TMEM63B: variants seen among roughly 807,000 people sequenced by gnomAD.
TMEM63B encodes the protein mechanosensitive cation channel TMEM63B.
In TMEM63B, 23 loss-of-function variants were observed where a neutral mutation model predicts 102.6. That is an observed-to-expected ratio of 0.22 (90% CI 0.16 to 0.32). The LOEUF is 0.32. Among genes scored for constraint, TMEM63B ranks in the 10% least tolerant of loss-of-function variants. The pLI is 1.00. For synonymous variants in TMEM63B, 444 were observed against 437.0 expected (o/e 1.02, Z -0.20); for missense variants, 628 against 1,095.9 (o/e 0.57, Z 6.03).
In TMEM63B at chr6:44,141,056, T is replaced by G; in HGVS notation, c.740T>G (p.Ile247Ser). 1 of 1,613,922 alleles carries G rather than the reference T, an allele frequency of 6.2e-7. No individual in the cohort carries two copies. The highest frequency in any genetic ancestry group is 8.5e-7 in the Non-Finnish European group (1 of 1,179,986). ...AAGCGGACCCTCTTCATCAATGGAA[T>G]CTCCAAATATGCAGAGTCAGAAAAG... ...LVKRTLFING[I>S]SKYAESEKIK... Residue 247 changes from isoleucine to serine, a missense_variant, in exon 10 of 24, where the codon ATC becomes AGC. Ile to Ser is a moderately radical substitution (Grantham distance 142). Around this residue, in one of 6 missense-constraint regions of TMEM63B, gnomAD observed 336 missense variants for 580.3 expected, o/e 0.58. Transcript: ENST00000323267.
At chr6:44,130,290 G>C (rs1309221817) in intron 1 of TMEM63B, among the ~76,000 whole-genome samples, 3 of 152,166 alleles carry the variant, frequency 2.0e-5, no homozygotes, top group African/African-American at 4.8e-5. Flanking sequence ...TACTCTCTCT[G>C]TATCTCAGTG....
At chr6:44,130,244 A>G (rs887296070) in intron 1 of TMEM63B, among the ~76,000 whole-genome samples, 1 of 152,160 alleles carries the variant, frequency 6.6e-6, no homozygotes, top group Non-Finnish European at 1.5e-5. Flanking sequence ...ATCTGGGTCT[A>G]CCACAGACTG....
intron 5 of TMEM63B, among the ~76,000 whole-genome samples, chr6:44,137,096 C>CG: frequency 6.6e-6 from 1 of 152,320 alleles, no homozygotes; most frequent in Non-Finnish European, 1.5e-5. Flanking sequence ...CCTAGAAAAA[C>CG]AGAATCTGTC....
intron 3 of TMEM63B, 106 bp downstream of exon 3, chr6:44,135,202 G>A: frequency 6.4e-7 from 1 of 1,561,510 alleles, no homozygotes; most frequent in South Asian, 1.1e-5. Context: ...TTGCTGGGGG[G>A]ATGAGAAGGG....
rs1031635723 is a variant in TMEM63B at position 44,127,655 on chromosome 6, C to G, written c.-48C>G. ...CCCCGCCCCAACCCGGGGCTCCGAG[C>G]CGGAGCCGAGTCTGCGCCTGGGGGT... On this transcript the variant is annotated 5_prime_UTR_variant, in exon 1 of 24. Coordinates refer to ENST00000323267, the MANE Select transcript of TMEM63B (RefSeq NM_018426.3). 6.7e-6 allele frequency: 1 copy of G among 149,716 alleles called. No homozygotes were observed. Among genetic ancestry groups the G allele is most frequent in the Non-Finnish European group, 1.5e-5 (1 of 67,058 alleles). 9.3% of individuals were successfully genotyped at this position (149,716 alleles called of 1,614,324 possible).
In TMEM63B at chr6:44,148,818, T is replaced by A; in HGVS notation, c.1286T>A (p.Ile429Asn). 6.2e-7 allele frequency: 1 copy of A among 1,614,192 alleles called. No homozygotes were observed. Among genetic ancestry groups the A allele is most frequent in the South Asian group, 1.1e-5 (1 of 91,088 alleles). The change falls in exon 15 of 24, where the codon ATC (isoleucine) becomes AAC (asparagine). Residue 429 changes from isoleucine to asparagine, a missense_variant. By Grantham distance (149) the Ile-to-Asn change is moderately radical (BLOSUM62 -3). Coordinates refer to ENST00000323267, the MANE Select transcript of TMEM63B (RefSeq NM_018426.3). This position sits in a 1 kb window ranked among gnomAD's most constrained non-coding sequence, Gnocchi z 5.1. ...GAGCACCTCTCCATCCGAGGCTTCA[T>A]CTGGTGGCTGCGCTGCCTGGTCATC... ...YWEHLSIRGF[I>N]WWLRCLVINV...
At position 44,155,035 on chromosome 6, in the gene TMEM63B, T is replaced by TC. The variant is rs3832439; in HGVS notation, c.*157dup. ...TTTAAACTTGGGGGTTTCACTGCTCTCCCCCATGATGGAGGGAGGGAGCCC... is the reference window on the plus strand; with the variant it reads ...TTTAAACTTGGGGGTTTCACTGCTCTCCCCCCATGATGGAGGGAGGGAGCCC... On this transcript the variant is annotated 3_prime_UTR_variant, in exon 24 of 24. Coordinates refer to ENST00000323267, the MANE Select transcript of TMEM63B (RefSeq NM_018426.3). The TC allele has an allele frequency of 0.28, 195,630 of 690,210 alleles. 31,276 individuals carry two copies. Among genetic ancestry groups the TC allele is most frequent in the East Asian group, 0.57 (16,850 of 29,350 alleles). The allele number at this position is 690,210 out of a possible 1,614,324, so 42.8% of individuals were successfully genotyped here.
rs761411626 is a variant in TMEM63B at position 44,151,880 on chromosome 6, G to A, written c.1708G>A (p.Val570Met). The change falls in exon 19 of 24, where the codon GTG becomes ATG. Residue 570 changes from valine to methionine, a missense_variant. Physicochemically the swap from Val to Met is conservative, Grantham distance 21. This residue lies in a region of TMEM63B where 61 missense variants were observed against 176.0 expected (regional missense o/e 0.35). Coordinates refer to ENST00000323267, the MANE Select transcript of TMEM63B (RefSeq NM_018426.3). ...VFLPDNGAFF[V>M]NYVIASAFIG... ...CCTGCCCGACAACGGCGCCTTCTTC[G>A]TGAACTACGTCATTGCCTCAGCCTT... 4 of 1,613,064 alleles carry A rather than the reference G, an allele frequency of 2.5e-6. No homozygotes were observed. Among genetic ancestry groups the A allele is most frequent in the East Asian group, 2.2e-5 (1 of 44,848 alleles).
chr6:44,142,257 C>T (rs1764417113), intron 10 of TMEM63B, among the ~76,000 whole-genome samples: 1 of 136,400 alleles, frequency 7.3e-6, no homozygotes, highest in Non-Finnish European at 1.6e-5. Flanking sequence ...TATAATGAGA[C>T]CCCATGTCTT....
chr6:44,127,168 A>ACCCCCCCTCCCCGTCGGGACC (rs72348651), upstream of TMEM63B: 4 of 79,416 alleles, frequency 5.0e-5, no homozygotes, highest in Non-Finnish European at 8.9e-5. Flanking sequence ...CCCCGTCGGG[A>ACCCCCCCTCCCCGTCGGGACC]CCCCCCTCCC....
chr6:44,140,864 A>G (rs1764104376), intron 9 of TMEM63B, among the ~76,000 whole-genome samples, 164 bp from the exon 10 acceptor site: 1 of 152,014 alleles, frequency 6.6e-6, no homozygotes, highest in Non-Finnish European at 1.5e-5. Context: ...GACCTGGCTT[A>G]TCCATAACTA....
intron 1 of TMEM63B, chr6:44,132,261 C>A (rs967365188): frequency 9.1e-6 from 9 of 985,224 alleles, no homozygotes; most frequent in Non-Finnish European, 8.4e-6. Context: ...ACTTTGTGAC[C>A]CCAAGGAGGC....
chr6:44,133,919 G>A (rs1488162304), intron 1 of TMEM63B, among the ~76,000 whole-genome samples: 11 of 152,246 alleles, frequency 7.2e-5, no homozygotes, highest in African/African-American at 2.7e-4. Flanking sequence ...AGAGAAATGA[G>A]AATAAGCAGG....
Position 44,150,196 on chromosome 6 carries a change from G to A in TMEM63B, c.1521-28G>A. On this transcript the variant is annotated intron_variant, in intron 16 of 23. Transcript: ENST00000323267. The surrounding 1 kb of genome is among the most constrained non-coding windows in gnomAD (Gnocchi z 4.7). Reference sequence around the variant, plus strand: ...TCTGGGGCCTGGGCTCACTTGACCTGTACCGTTCCCTGCTCCCCTCCCTCC... The same window carrying A: ...TCTGGGGCCTGGGCTCACTTGACCTATACCGTTCCCTGCTCCCCTCCCTCC... The A allele has an allele frequency of 6.2e-7, 1 of 1,604,162 alleles. No individual in the cohort carries two copies. Among genetic ancestry groups the A allele is most frequent in the African/African-American group, 1.3e-5 (1 of 74,856 alleles).
intron 1 of TMEM63B, among the ~76,000 whole-genome samples, chr6:44,134,091 A>G (rs940751162): frequency 2.0e-5 from 3 of 152,214 alleles, no homozygotes; most frequent in African/African-American, 7.2e-5. Flanking sequence ...AGAAAAGATC[A>G]GGATGAGGCA....
chr6:44,139,114 A>C (rs141868784), intron 6 of TMEM63B, among the ~76,000 whole-genome samples: 6 of 151,186 alleles, frequency 4.0e-5, no homozygotes, highest in Non-Finnish European at 8.9e-5. Context: ...CCCTCCTCAG[A>C]TATTTCTCTT....
rs564255740 is a variant in TMEM63B, at chr6:44,137,901, T to C, written c.370-579T>C. 2.0e-5 allele frequency among the ~76,000 whole-genome samples: 3 copies of C among 152,186 alleles called. No individual in the cohort carries two copies. The East Asian group carries it at 5.8e-4, about 29-fold the overall frequency. Reference sequence around the variant, plus strand: ...TTTAGTAAGAGACGGGGTGTCACCATGTTGGCCAGGCTGATCTCGAACTCC... The same window carrying C: ...TTTAGTAAGAGACGGGGTGTCACCACGTTGGCCAGGCTGATCTCGAACTCC... On this transcript the variant is annotated intron_variant, in intron 5 of 23. Transcript: ENST00000323267.
Position 44,148,123 on chromosome 6 carries a change from CAA to C in TMEM63B, c.988-117_988-116del, listed in dbSNP as rs371607572. On this transcript the variant is annotated intron_variant, in intron 12 of 23. Coordinates refer to ENST00000323267, the MANE Select transcript of TMEM63B (RefSeq NM_018426.3). This position sits in a 1 kb window ranked among gnomAD's most constrained non-coding sequence, Gnocchi z 5.1. The stretch of plus-strand genomic sequence containing the variant: ...GGGCATCAGAGCGAGACGCTGTTTC[CAA>C]AAAAAAAAAAATGCTTAGAGGAGCA... The C allele has an allele frequency of 1.9e-3, 2,147 of 1,159,272 alleles. No homozygotes were observed. Among genetic ancestry groups the C allele is most frequent in the South Asian group, 2.6e-3 (162 of 61,388 alleles). 71.8% of individuals were successfully genotyped at this position (1,159,272 alleles called of 1,614,324 possible).
chr6:44,136,532 G>A, intron 5 of TMEM63B, 93 bp downstream of exon 5: 4 of 913,500 alleles, frequency 4.4e-6, no homozygotes, highest in Non-Finnish European at 6.9e-6. Flanking sequence ...TGTGGAGTCA[G>A]GGATGCTGGT....
Sources: allele counts gnomAD v4.1 joint callset (sites outside exome capture counted in the v4.1 genomes callset), GRCh38; gene constraint gnomAD v4.1.1; regional missense constraint gnomAD v4.1.1; non-coding constraint Gnocchi (gnomAD v3.1); transcripts MANE v1.5; gene names NCBI Gene and HGNC (gene_info 2026-07-23, HGNC 2026-07-21).